The following LPO variants were observed in gnomAD, a reference collection of about 807,000 sequenced individuals.
LPO encodes the protein lactoperoxidase, also known as salivary peroxidase.
In LPO, 70 loss-of-function variants were observed where a neutral mutation model predicts 68.4. That is an observed-to-expected ratio of 1.02 (90% CI 0.84 to 1.25). LPO has a LOEUF of 1.25. Among genes scored for constraint, LPO ranks in the 50% most tolerant of loss-of-function variants. LPO has a pLI of 0.00. For missense variants in LPO, 873 were observed against 908.4 expected (o/e 0.96, Z 0.50); for synonymous variants, 360 against 357.6 (o/e 1.01, Z -0.08).
At chr17:58,244,142 C>T in intron 3 of LPO, 61 bp downstream of exon 3, 1 of 1,335,158 alleles carries the variant, frequency 7.5e-7, no homozygotes, top group Non-Finnish European at 1.1e-6. Context: ...CTTCCCTTCA[C>T]AGGCTTCCTG....
chr17:58,257,568 TC>T (rs1970095917), intron 9 of LPO, among the ~76,000 whole-genome samples: 1 of 152,242 alleles, frequency 6.6e-6, no homozygotes, highest in Admixed American at 6.5e-5. Context: ...TGCTTTCAAA[TC>T]TTAGCTATTG....
Position 58,250,407 on chromosome 17 carries a change from A to T in LPO, c.574-8A>T. The T allele has an allele frequency of 6.2e-7, 1 of 1,613,152 alleles. No homozygotes were observed. The highest frequency in any genetic ancestry group is 8.5e-7 in the Non-Finnish European group (1 of 1,179,270). ...TAATCTGCCCTCCCCTTCTCTCTCC[A>T]TCTGTAGGCCCGGGAGGTATCTAAC... On this transcript the variant is annotated splice_polypyrimidine_tract_variant and splice_region_variant and intron_variant, in intron 6 of 12. Transcript: ENST00000262290.
Position 58,268,059 on chromosome 17 carries a change from C to G in LPO, c.*65C>G. On this transcript the variant is annotated 3_prime_UTR_variant, in exon 13 of 13. Coordinates refer to ENST00000262290, the MANE Select transcript of LPO (RefSeq NM_006151.3). ...GGCCATTTCAAGCAAGTTCAATGAC[C>G]TGGTCCCTTAGAGCTCCATATCCCA... 6.6e-7 allele frequency: 1 copy of G among 1,523,934 alleles called. No homozygotes were observed. 94.4% of individuals were successfully genotyped at this position (1,523,934 alleles called of 1,614,324 possible). A position where few individuals can be genotyped will look rare whatever the true frequency, so the allele number is the denominator to read the frequency against.
intron 10 of LPO, among the ~76,000 whole-genome samples, chr17:58,265,204 T>C (rs559527378): frequency 3.0e-4 from 45 of 152,302 alleles, no homozygotes; most frequent in Middle Eastern, 3.4e-3. Flanking sequence ...CACCCTACAA[T>C]GGTTCCTGAC....
intron 7 of LPO, chr17:58,251,759 A>T: frequency 2.2e-6 from 1 of 463,402 alleles, no homozygotes; most frequent in Non-Finnish European, 4.3e-6. Context: ...TGTCCACCTT[A>T]CAGGGTTTTT....
At chr17:58,267,695 T>C (rs761844679) in intron 12 of LPO, 92 bp from the exon 13 acceptor site, 92 of 1,470,058 alleles carry the variant, frequency 6.3e-5, no homozygotes, top group Non-Finnish European at 8.2e-5. Flanking sequence ...GTAGGGCTTT[T>C]CATGGTCCCT....
chr17:58,267,701 T>C, intron 12 of LPO, 86 bp from the exon 13 acceptor site: 2 of 1,473,838 alleles, frequency 1.4e-6, no homozygotes, highest in Non-Finnish European at 1.9e-6. Context: ...CTTTTCATGG[T>C]CCCTGTGACC....
At chr17:58,261,784 A>G (rs1367562441) in intron 9 of LPO, among the ~76,000 whole-genome samples, 1 of 152,148 alleles carries the variant, frequency 6.6e-6, no homozygotes, top group Non-Finnish European at 1.5e-5. Flanking sequence ...ATTGCTTTGT[A>G]TAATTTTCTT....
In LPO at chr17:58,249,788, TG is replaced by T. The variant is rs1969923567; in HGVS notation, c.573+98del. 4.8e-5 allele frequency: 70 copies of T among 1,444,898 alleles called. No individual in the cohort carries two copies. The South Asian group carries it at 8.4e-4, about 17-fold the overall frequency. 89.5% of individuals were successfully genotyped at this position (1,444,898 alleles called of 1,614,324 possible). A position where few individuals can be genotyped will look rare whatever the true frequency, so the allele number is the denominator to read the frequency against. ...CAGTGAAAGGAGGAGGAGGGATCGGTGGGGGCAGCAGGGGTGCGCGATGGAG... is the reference window on the plus strand; with the variant it reads ...CAGTGAAAGGAGGAGGAGGGATCGGTGGGGCAGCAGGGGTGCGCGATGGAG... On this transcript the variant is annotated intron_variant, in intron 6 of 12. Transcript: ENST00000262290.
intron 8 of LPO, among the ~76,000 whole-genome samples, chr17:58,252,884 G>T (rs1002587727): frequency 6.6e-6 from 1 of 151,494 alleles, no homozygotes; most frequent in Admixed American, 6.6e-5. Flanking sequence ...TTAGCCGGGC[G>T]TGGTGGCACA....
At chr17:58,254,125 GAT>G (rs1410867026) in intron 8 of LPO, among the ~76,000 whole-genome samples, 1 of 115,710 alleles carries the variant, frequency 8.6e-6, no homozygotes. Context: ...ATAGATAGAT[GAT>G]GATAGATATA....
chr17:58,252,639 G>A (rs767153435), intron 8 of LPO, 133 bp downstream of exon 8: 4 of 853,106 alleles, frequency 4.7e-6, no homozygotes, highest in Non-Finnish European at 7.1e-6. Context: ...AGTGGTCCAG[G>A]ACTAGCAGAA....
chr17:58,249,223 C>T (rs3886628), intron 5 of LPO, 46 bp downstream of exon 5: 1 of 1,533,464 alleles, frequency 6.5e-7, no homozygotes, highest in Admixed American at 1.7e-5. Flanking sequence ...AGCCACTCCG[C>T]CCCGCCCTGC....
intron 6 of LPO, 52 bp downstream of exon 6, chr17:58,249,747 G>C (rs750623768): frequency 2.7e-5 from 41 of 1,513,910 alleles, no homozygotes; most frequent in Non-Finnish European, 3.6e-5. Context: ...GGGACGGGAT[G>C]CACTACCCAA....
chr17:58,239,585 C>G (rs948832488), intron 1 of LPO, among the ~76,000 whole-genome samples: 1 of 151,998 alleles, frequency 6.6e-6, no homozygotes, highest in Non-Finnish European at 1.5e-5. Flanking sequence ...CTCACTCCAC[C>G]ACCCTCCACA....
chr17:58,240,103 G>A (rs1969726286), intron 1 of LPO, among the ~76,000 whole-genome samples: 1 of 152,194 alleles, frequency 6.6e-6, no homozygotes, highest in Non-Finnish European at 1.5e-5. Context: ...GACAGAAAAA[G>A]GAACGATCTA....
Position 58,250,580 on chromosome 17 carries a change from G to T in LPO, c.739G>T (p.Asp247Tyr). The T allele has an allele frequency of 6.2e-7, 1 of 1,614,150 alleles. No homozygotes were observed. Among genetic ancestry groups the T allele is most frequent in the Non-Finnish European group, 8.5e-7 (1 of 1,180,020 alleles). The change falls in exon 7 of 13, where the codon GAT becomes TAT. Residue 247 changes from aspartate (D) to tyrosine (Y), a missense_variant. Asp to Tyr is a radical substitution (Grantham distance 160, BLOSUM62 -3). Transcript: ENST00000262290. ...TAGCGAGTACTCCAAAGCCCAGTGT[G>T]ATGAGTACTGTATCCAGGGAGACAA... ...GSSEYSKAQC[D>Y]EYCIQGDNCF...
At chr17:58,239,821 C>T (rs1445088180) in intron 1 of LPO, among the ~76,000 whole-genome samples, 2 of 152,156 alleles carry the variant, frequency 1.3e-5, no homozygotes, top group Non-Finnish European at 2.9e-5. Flanking sequence ...TCTGCATTTA[C>T]CAAAATCCCT....
intron 9 of LPO, among the ~76,000 whole-genome samples, chr17:58,258,315 A>T (rs894985459): frequency 2.0e-5 from 3 of 152,152 alleles, no homozygotes; most frequent in East Asian, 1.9e-4. Flanking sequence ...TTTGATTTTT[A>T]TATATGGGTA....
Sources: gnomAD v4.1 joint callset for allele counts (sites outside exome capture counted in the v4.1 genomes callset) on GRCh38, gnomAD v4.1.1 for gene constraint, MANE v1.5 for transcripts, NCBI Gene and HGNC (gene_info 2026-07-23, HGNC 2026-07-21) for gene names.